KDM2A: variants seen among roughly 807,000 people sequenced by gnomAD.
The protein encoded by KDM2A is lysine demethylase 2A, also known as lysine-specific demethylase 2A.
Under a neutral mutation model 137.3 loss-of-function variants are expected in KDM2A, and 3 were observed. The observed-to-expected ratio is 0.02, with a 90% CI of 0.01 to 0.06. The LOEUF (loss-of-function observed/expected upper bound fraction) is 0.06, where lower values mean the gene tolerates loss of function less well. KDM2A is among the 10% of genes least tolerant of loss of function. KDM2A has a pLI of 1.00. For missense variants in KDM2A, 738 were observed against 1,510.6 expected (o/e 0.49, Z 8.48); for synonymous variants, 512 against 541.5 (o/e 0.95, Z 0.76).
intron 2 of KDM2A, among the ~76,000 whole-genome samples, chr11:67,156,595 T>C (rs950611770): frequency 2.6e-5 from 4 of 151,718 alleles, no homozygotes; most frequent in African/African-American, 9.7e-5. Context: ...GGTAGGCGCC[T>C]GTAGTCCCAG....
rs1859656872 is a variant in KDM2A at position 67,257,718 on chromosome 11, T to C, written c.*2663T>C. ...GTTTTTCGGAGAAATATTGTAAATATATATTTTTTTGTTGCTGATTTAGAG... is the reference window on the plus strand; with the variant it reads ...GTTTTTCGGAGAAATATTGTAAATACATATTTTTTTGTTGCTGATTTAGAG... On this transcript the variant is annotated 3_prime_UTR_variant, in exon 21 of 21. Coordinates refer to ENST00000529006, the MANE Select transcript of KDM2A (RefSeq NM_012308.3). The C allele has an allele frequency of 1.3e-5, 2 of 152,298 alleles. No homozygotes were observed. Among genetic ancestry groups the C allele is most frequent in the East Asian group, 1.9e-4 (1 of 5,196 alleles). The allele number at this position is 152,298 out of a possible 1,614,324, so 9.4% of individuals were successfully genotyped here.
chr11:67,180,274 T>A (rs1857061605), intron 3 of KDM2A, 57 bp downstream of exon 3: 1 of 1,557,078 alleles, frequency 6.4e-7, no homozygotes, highest in East Asian at 2.3e-5. Context: ...CCATAGACTC[T>A]GAGCATTGGG....
intron 2 of KDM2A, among the ~76,000 whole-genome samples, chr11:67,122,076 G>C (rs1478943809): frequency 1.3e-5 from 2 of 152,154 alleles, no homozygotes; most frequent in Admixed American, 6.6e-5. Context: ...TAGCCAAAGA[G>C]AGCTTTATTA....
intron 12 of KDM2A, among the ~76,000 whole-genome samples, chr11:67,238,186 C>T (rs1858925518): frequency 6.6e-6 from 1 of 152,006 alleles, no homozygotes; most frequent in African/African-American, 2.4e-5. Context: ...TCTCAATTAG[C>T]AGGAGGGGGT....
chr11:67,171,113 T>C (rs561630946), intron 2 of KDM2A, among the ~76,000 whole-genome samples: 83 of 152,276 alleles, frequency 5.5e-4, no homozygotes, highest in African/African-American at 1.8e-3. Context: ...ACATTTAGAC[T>C]CCTTTGTGCC....
chr11:67,161,934 G>A (rs1473636107), intron 2 of KDM2A, among the ~76,000 whole-genome samples: 3 of 152,024 alleles, frequency 2.0e-5, no homozygotes, highest in Admixed American at 2.0e-4. Flanking sequence ...TATATAAATA[G>A]ATGCTTTTTC....
intron 2 of KDM2A, among the ~76,000 whole-genome samples, chr11:67,124,047 A>C (rs904240275): frequency 6.6e-6 from 1 of 152,088 alleles, no homozygotes; most frequent in Non-Finnish European, 1.5e-5. Context: ...TCTGTTGCCC[A>C]GGCTGGAGTG....
chr11:67,225,827 G>A (rs1268345616), intron 10 of KDM2A, among the ~76,000 whole-genome samples: 4 of 152,058 alleles, frequency 2.6e-5, no homozygotes, highest in Admixed American at 1.3e-4. Flanking sequence ...CACTTTGGGA[G>A]GCTGAGGCAG....
chr11:67,146,397 T>G (rs1856248595), intron 2 of KDM2A, among the ~76,000 whole-genome samples: 1 of 152,146 alleles, frequency 6.6e-6, no homozygotes, highest in Non-Finnish European at 1.5e-5. Context: ...CATGGCAGTC[T>G]TATTTATCAG....
At chr11:67,224,789 C>T (rs971201080) in intron 10 of KDM2A, among the ~76,000 whole-genome samples, 2 of 149,282 alleles carry the variant, frequency 1.3e-5, no homozygotes, top group African/African-American at 2.5e-5. Context: ...TTCTCATTTT[C>T]CCCAATGATA....
chr11:67,175,768 G>A (rs538248793), intron 2 of KDM2A, among the ~76,000 whole-genome samples: 94 of 152,242 alleles, frequency 6.2e-4, no homozygotes, highest in African/African-American at 2.2e-3. Flanking sequence ...GAAAACATGA[G>A]GGATTTTTAA....
chr11:67,129,451 T>C (rs1018457309), intron 2 of KDM2A, among the ~76,000 whole-genome samples: 1 of 151,844 alleles, frequency 6.6e-6, no homozygotes, highest in Non-Finnish European at 1.5e-5. Flanking sequence ...TAGCCGGGCA[T>C]AGGCCGGGCG....
intron 2 of KDM2A, among the ~76,000 whole-genome samples, chr11:67,155,113 C>T (rs899680649): frequency 1.3e-5 from 2 of 152,158 alleles, no homozygotes; most frequent in Admixed American, 6.5e-5. Context: ...CTCCCAGGCT[C>T]ATGCAGTTCT....
intron 2 of KDM2A, among the ~76,000 whole-genome samples, chr11:67,149,944 A>C (rs1354655046): frequency 8.6e-5 from 13 of 150,948 alleles, no homozygotes; most frequent in Admixed American, 4.0e-4. Context: ...CAGGTCTTGA[A>C]CTCCCGACCT....
chr11:67,191,316 C>T (rs1026118531), intron 5 of KDM2A, among the ~76,000 whole-genome samples: 3 of 152,108 alleles, frequency 2.0e-5, no homozygotes, highest in Admixed American at 6.6e-5. Context: ...TGAGCCACTG[C>T]GCCCGACCAA....
At chr11:67,125,150 C>A (rs12286106) in intron 2 of KDM2A, among the ~76,000 whole-genome samples, 1 of 151,112 alleles carries the variant, frequency 6.6e-6, no homozygotes, top group Non-Finnish European at 1.5e-5. Flanking sequence ...CTTGAGCCAC[C>A]GCACCCAGCC....
intron 5 of KDM2A, among the ~76,000 whole-genome samples, chr11:67,195,369 CAAAAAA>C (rs34494813): frequency 7.7e-5 from 5 of 65,232 alleles, no homozygotes; most frequent in South Asian, 2.0e-3. Context: ...ACTCCGTCTC[CAAAAAA>C]AAAAAAAAAA....
chr11:67,208,644 G>A lies in KDM2A; in HGVS notation c.486+956G>A, dbSNP rs964802664. ...AAATTAGCCAAGCATGGTTGCATGC[G>A]CCTGTAATTCCAGCTACTCGGGAGG... On this transcript the variant is annotated intron_variant, in intron 6 of 20. Coordinates refer to ENST00000529006, the MANE Select transcript of KDM2A (RefSeq NM_012308.3). 7.3e-5 allele frequency among the ~76,000 whole-genome samples: 11 copies of A among 151,588 alleles called. No homozygotes were observed. The East Asian group carries it at 1.6e-3, about 21-fold the overall frequency.
chr11:67,121,642 A>C (rs2136274277), intron 2 of KDM2A, among the ~76,000 whole-genome samples: 1 of 152,320 alleles, frequency 6.6e-6, no homozygotes, highest in African/African-American at 2.4e-5. Flanking sequence ...TGTGACAAAG[A>C]TTCCTGATTT....
Sources: gnomAD v4.1 joint callset for allele counts (sites outside exome capture counted in the v4.1 genomes callset) on GRCh38, gnomAD v4.1.1 for gene constraint, MANE v1.5 for transcripts, NCBI Gene and HGNC (gene_info 2026-07-23, HGNC 2026-07-21) for gene names.